Variants in WDR43 observed in about 807,000 individuals in gnomAD.
WDR43 encodes WD repeat domain 43.
WDR43 carries 13 observed loss-of-function variants against 91.4 expected under a neutral mutation model. The observed-to-expected ratio is 0.14, with a 90% CI of 0.09 to 0.23. WDR43 has a LOEUF of 0.23. Among genes scored for constraint, WDR43 ranks in the 10% least tolerant of loss-of-function variants. The pLI is 1.00. For missense variants in WDR43, 780 were observed against 809.4 expected, an observed-to-expected ratio of 0.96 and a Z score of 0.44; for synonymous variants, 331 against 287.9, an observed-to-expected ratio of 1.15 and a Z score of -1.51.
intron 7 of WDR43, 81 bp from the exon 8 acceptor site, chr2:28,924,901 C>T (rs1288724206): frequency 6.6e-6 from 10 of 1,514,248 alleles, no homozygotes; most frequent in African/African-American, 4.2e-5. Flanking sequence ...GGTCACATTT[C>T]GTGACTTGAT....
intron 11 of WDR43, among the ~76,000 whole-genome samples, chr2:28,935,049 T>G (rs1267075585): frequency 1.3e-5 from 2 of 152,168 alleles, no homozygotes; most frequent in Non-Finnish European, 2.9e-5. Context: ...TTAAAGGGTT[T>G]TGATTCAAGC....
rs1572602726 is a variant in WDR43, at chr2:28,937,867, A to G, written c.1557-64A>G. ...CTTCACTTGTCTGTCTGGGTTTTCT[A>G]ACAGCTCAGTTGAATTTACTTTTGA... On this transcript the variant is annotated intron_variant, in intron 13 of 17. Coordinates refer to ENST00000407426, the MANE Select transcript of WDR43 (RefSeq NM_015131.3). 2.0e-6 allele frequency: 3 copies of G among 1,530,334 alleles called. No individual in the cohort carries two copies. The Admixed American group carries it at 5.5e-5, about 28-fold the overall frequency. 94.8% of individuals were successfully genotyped at this position (1,530,334 alleles called of 1,614,324 possible). A position where few individuals can be genotyped will look rare whatever the true frequency, so the allele number is the denominator to read the frequency against.
At chr2:28,925,472 A>G (rs1671110780) in intron 8 of WDR43, among the ~76,000 whole-genome samples, 1 of 152,220 alleles carries the variant, frequency 6.6e-6, no homozygotes, top group Non-Finnish European at 1.5e-5. Context: ...GCTCAGTGCC[A>G]CATGTTCCTA....
chr2:28,906,886 A>C (rs1447891626), intron 3 of WDR43, among the ~76,000 whole-genome samples: 1 of 152,148 alleles, frequency 6.6e-6, no homozygotes, highest in African/African-American at 2.4e-5. Context: ...ACCTTCTAGG[A>C]CAGGTAAGAT....
intron 3 of WDR43, 29 bp from the exon 4 acceptor site, chr2:28,912,561 A>C (rs1670821930): frequency 6.2e-7 from 1 of 1,603,388 alleles, no homozygotes; most frequent in Non-Finnish European, 8.5e-7. Flanking sequence ...TCATGTATTG[A>C]GATGCTTTTT....
chr2:28,909,169 G>A (rs932674761), intron 3 of WDR43, among the ~76,000 whole-genome samples: 9 of 151,732 alleles, frequency 5.9e-5, no homozygotes, highest in African/African-American at 2.2e-4. Context: ...ATGGAGTTTC[G>A]CTCTTGTTGC....
chr2:28,902,047 T>C lies in WDR43; in HGVS notation c.286T>C (p.Leu96=), dbSNP rs771821090. The C allele has an allele frequency of 1.8e-5, 29 of 1,611,040 alleles. No homozygotes were observed. The highest frequency in any genetic ancestry group is 2.4e-5 in the Non-Finnish European group (28 of 1,179,074). Reference sequence around the variant, plus strand: ...TGTAGGAATGAGTAACCAGACTGACTTATTGGCTCTTGGCACAGCAGTTGG... The same window carrying C: ...TGTAGGAATGAGTAACCAGACTGACCTATTGGCTCTTGGCACAGCAGTTGG... ...EAVGMSNQTD[L]LALGTAVGSI... The change falls in exon 2 of 18, where the codon TTA becomes CTA. Residue 96 remains leucine, a synonymous_variant. Transcript: ENST00000407426.
intron 4 of WDR43, 37 bp downstream of exon 4, chr2:28,912,747 TAG>T: frequency 6.2e-7 from 1 of 1,607,254 alleles, no homozygotes; most frequent in South Asian, 1.1e-5. Context: ...ATAAAAATTA[TAG>T]AGTAAACACA....
rs116834432 is a variant in WDR43 at position 28,912,089 on chromosome 2, A to G, written c.486-501A>G. On this transcript the variant is annotated intron_variant, in intron 3 of 17. Coordinates refer to ENST00000407426, the MANE Select transcript of WDR43 (RefSeq NM_015131.3). The stretch of plus-strand genomic sequence containing the variant: ...TTACCTGTCAGATTGGGGTACATTC[A>G]TGTGGATTTAGGGTAGAAATAACCT... Among the ~76,000 whole-genome samples, 921 of 152,256 alleles carry G rather than the reference A, an allele frequency of 6.0e-3. 9 individuals carry two copies. Among genetic ancestry groups the G allele is most frequent in the African/African-American group, 0.021 (858 of 41,534 alleles).
intron 8 of WDR43, 80 bp from the exon 9 acceptor site, chr2:28,926,388 C>T (rs745418231): frequency 4.0e-6 from 4 of 1,008,620 alleles, no homozygotes; most frequent in African/African-American, 1.6e-5. Flanking sequence ...TCATTTTGTT[C>T]TTATTCCCAG....
chr2:28,904,608 T>C (rs1310139712), intron 2 of WDR43, among the ~76,000 whole-genome samples: 2 of 152,216 alleles, frequency 1.3e-5, no homozygotes, highest in East Asian at 3.8e-4. Context: ...TTTCTTTGAT[T>C]ACTAACAAGG....
chr2:28,926,848 T>C (rs1671151820), intron 9 of WDR43, among the ~76,000 whole-genome samples: 1 of 152,162 alleles, frequency 6.6e-6, no homozygotes, highest in Non-Finnish European at 1.5e-5. Flanking sequence ...CAATATCAGA[T>C]TTATCAGTAG....
intron 4 of WDR43, 81 bp from the exon 5 acceptor site, chr2:28,913,988 G>A: frequency 6.6e-7 from 1 of 1,519,866 alleles, no homozygotes; most frequent in South Asian, 1.2e-5. Context: ...TATCACATAT[G>A]GCTTGTTTTG....
chr2:28,939,679 TA>T (rs1211290581), intron 14 of WDR43, among the ~76,000 whole-genome samples: 1 of 152,226 alleles, frequency 6.6e-6, no homozygotes, highest in Non-Finnish European at 1.5e-5. Context: ...AGGGAGGTGA[TA>T]AATTGGAATG....
At chr2:28,935,965 G>T (rs1210128466) in intron 12 of WDR43, among the ~76,000 whole-genome samples, 1 of 152,032 alleles carries the variant, frequency 6.6e-6, no homozygotes, top group African/African-American at 2.4e-5. Flanking sequence ...TTCTCATTTT[G>T]GTTTTTCCCA....
intron 1 of WDR43, among the ~76,000 whole-genome samples, chr2:28,898,924 ACTC>A (rs1359988217): frequency 6.6e-6 from 1 of 151,666 alleles, no homozygotes; most frequent in Non-Finnish European, 1.5e-5. Flanking sequence ...CATCTGTACA[ACTC>A]CTTGCTTTTA....
intron 3 of WDR43, among the ~76,000 whole-genome samples, chr2:28,910,695 A>ATATATATATATAATT (rs59028991): frequency 6.8e-6 from 1 of 146,546 alleles, no homozygotes; most frequent in African/African-American, 2.5e-5. Flanking sequence ...ATATATATAT[A>ATATATATATATAATT]ATTATTATTT....
chr2:28,894,674 T>C lies in WDR43; in HGVS notation c.-25T>C. 6.5e-7 allele frequency: 1 copy of C among 1,532,422 alleles called. No individual in the cohort carries two copies. The allele number at this position is 1,532,422 out of a possible 1,614,324, so 94.9% of individuals were successfully genotyped here. ...GTGCGCCTGCGCACGGACGAACACG[T>C]GGCTGCAGCGGGGCCAGAGCAGCAA... is the stretch of plus-strand genomic sequence containing the variant. On this transcript the variant is annotated 5_prime_UTR_variant, in exon 1 of 18. Coordinates refer to ENST00000407426, the MANE Select transcript of WDR43 (RefSeq NM_015131.3).
intron 9 of WDR43, chr2:28,927,275 G>A: frequency 2.2e-6 from 1 of 453,944 alleles, no homozygotes; most frequent in African/African-American, 2.0e-5. Flanking sequence ...GTGGGGGCTT[G>A]TATACCAACG....
Sources: gnomAD v4.1 joint callset for allele counts (sites outside exome capture counted in the v4.1 genomes callset) on GRCh38, gnomAD v4.1.1 for gene constraint, MANE v1.5 for transcripts, NCBI Gene and HGNC (gene_info 2026-07-23, HGNC 2026-07-21) for gene names.